The following CALN1 variants were observed in gnomAD, a reference collection of about 807,000 sequenced individuals.
CALN1 encodes the protein calneuron 1.
In CALN1, 17 loss-of-function variants were observed where a neutral mutation model predicts 30.6. The observed-to-expected ratio is 0.56, with a 90% CI of 0.38 to 0.83. The LOEUF is 0.83. Ranked by LOEUF, CALN1 falls within the 40% of genes least tolerant of loss-of-function variation. The probability of loss-of-function intolerance (pLI) is 0.00; values close to 1 mark genes in which losing one functional copy is unlikely to be tolerated. For synonymous variants in CALN1, 156 were observed against 131.4 expected (o/e 1.19, Z -1.28); for missense variants, 291 against 354.9 (o/e 0.82, Z 1.45).
intron 2 of CALN1, among the ~76,000 whole-genome samples, chr7:72,344,901 CAT>C (rs1221046042): frequency 1.1e-4 from 16 of 146,502 alleles, no homozygotes; most frequent in Non-Finnish European, 2.2e-4. Context: ...ATATTTATAT[CAT>C]ATATAAATGT....
intron 3 of CALN1, among the ~76,000 whole-genome samples, chr7:72,213,254 C>A (rs755007561): frequency 2.0e-5 from 3 of 152,210 alleles, no homozygotes; most frequent in Non-Finnish European, 4.4e-5. Flanking sequence ...CCGGGACAGT[C>A]CACTCTGGCC....
At chr7:72,385,686 A>G (rs1805169745) in intron 2 of CALN1, among the ~76,000 whole-genome samples, 1 of 152,216 alleles carries the variant, frequency 6.6e-6, no homozygotes, top group Admixed American at 6.5e-5. Flanking sequence ...TGACTGGATC[A>G]TGGGGGTGGT....
chr7:71,780,672 A>G lies in CALN1; in HGVS notation c.*7103T>C, dbSNP rs1584190234. On this transcript the variant is annotated 3_prime_UTR_variant, in exon 7 of 7. Coordinates refer to ENST00000395275, the MANE Select transcript of CALN1 (RefSeq NM_031468.4). The stretch of plus-strand genomic sequence containing the variant: ...TAATTACAAGCTACTATCAACATAT[A>G]CTGGAAGTGCTGTTATAGTGGCCAG... 6.6e-6 allele frequency: 1 copy of G among 152,012 alleles called. No homozygotes were observed. The highest frequency in any genetic ancestry group is 2.4e-5 in the African/African-American group (1 of 41,448). The allele number at this position is 152,012 out of a possible 1,614,324, so 9.4% of individuals were successfully genotyped here.
intron 2 of CALN1, among the ~76,000 whole-genome samples, chr7:72,362,508 T>C (rs575533043): frequency 2.0e-5 from 3 of 152,320 alleles, no homozygotes; most frequent in African/African-American, 7.2e-5. Flanking sequence ...ACGCTATCTA[T>C]AAAATACACT....
chr7:72,272,944 A>G (rs1000920313), intron 3 of CALN1, among the ~76,000 whole-genome samples: 3 of 152,068 alleles, frequency 2.0e-5, no homozygotes, highest in African/African-American at 7.2e-5. Context: ...CAAACGTACA[A>G]GAGTAGCTTG....
chr7:72,405,975 A>G (rs1806668398), intron 1 of CALN1, among the ~76,000 whole-genome samples: 1 of 152,144 alleles, frequency 6.6e-6, no homozygotes, highest in South Asian at 2.1e-4. Context: ...AATACACTTA[A>G]TGACCTGGAA....
chr7:72,357,491 C>T (rs1251892344), intron 2 of CALN1, among the ~76,000 whole-genome samples: 1 of 151,896 alleles, frequency 6.6e-6, no homozygotes, highest in Middle Eastern at 3.2e-3. Flanking sequence ...AAAGTGTGTG[C>T]TGATACCACC....
At chr7:72,456,777 T>C in the CALN1 span, among the ~76,000 whole-genome samples, 3 of 151,954 alleles carry the variant, frequency 2.0e-5, no homozygotes, top group African/African-American at 7.2e-5. Flanking sequence ...GGCCAGGAAG[T>C]TGAGATTGCA....
intron 2 of CALN1, among the ~76,000 whole-genome samples, chr7:72,297,758 A>G (rs1798967149): frequency 6.6e-6 from 1 of 152,250 alleles, no homozygotes; most frequent in African/African-American, 2.4e-5. Context: ...ACGAAGTCAT[A>G]ATATTCATTC....
chr7:72,374,615 A>C (rs543559776), intron 2 of CALN1, among the ~76,000 whole-genome samples: 1 of 152,060 alleles, frequency 6.6e-6, no homozygotes, highest in Non-Finnish European at 1.5e-5. Flanking sequence ...TATAAAGGAC[A>C]TCTGCACCAA....
At chr7:71,811,909 C>T (rs1028325880) in intron 5 of CALN1, among the ~76,000 whole-genome samples, 2 of 150,560 alleles carry the variant, frequency 1.3e-5, no homozygotes, top group Non-Finnish European at 3.0e-5. Flanking sequence ...GAACTCCTGA[C>T]CTCAGGTGAT....
At chr7:72,344,657 TATAA>T (rs1004061224) in intron 2 of CALN1, among the ~76,000 whole-genome samples, 9 of 146,866 alleles carry the variant, frequency 6.1e-5, no homozygotes, top group African/African-American at 1.7e-4. Flanking sequence ...TTTTTATTTA[TATAA>T]ATATATATTT....
At chr7:72,145,753 C>T (rs1168945035) in intron 3 of CALN1, among the ~76,000 whole-genome samples, 1 of 152,044 alleles carries the variant, frequency 6.6e-6, no homozygotes, top group Non-Finnish European at 1.5e-5. Context: ...TCCAGCAGCA[C>T]ATCAAAAAGC....
At chr7:72,267,654 TA>T (rs1796686401) in intron 3 of CALN1, among the ~76,000 whole-genome samples, 1 of 152,238 alleles carries the variant, frequency 6.6e-6, no homozygotes, top group Admixed American at 6.5e-5. Flanking sequence ...GCTGGTTATG[TA>T]ACCTTGGACA....
intron 3 of CALN1, among the ~76,000 whole-genome samples, chr7:72,215,446 T>C (rs1792723439): frequency 6.6e-6 from 1 of 151,836 alleles, no homozygotes; most frequent in Admixed American, 6.6e-5. Flanking sequence ...ATACAAAAAT[T>C]AGCCAGGTAT....
In CALN1 at chr7:72,303,079, CA is replaced by C. The variant is rs1013241310; in HGVS notation, c.120-24270del. ...CTGGTGACAGAGACAGACCCTGTCTCAAAAAAAAAAGAAAAGGAATTTTACA... is the reference window on the plus strand; with the variant it reads ...CTGGTGACAGAGACAGACCCTGTCTCAAAAAAAAAGAAAAGGAATTTTACA... On this transcript the variant is annotated intron_variant, in intron 2 of 6. Coordinates refer to ENST00000395275, the MANE Select transcript of CALN1 (RefSeq NM_031468.4). Among the ~76,000 whole-genome samples the C allele has an allele frequency of 1.4e-3, 192 of 135,156 alleles. 1 individual carries two copies. Among genetic ancestry groups the C allele is most frequent in the African/African-American group, 4.6e-3 (167 of 36,400 alleles). The allele number at this position is 135,156 out of a possible 152,430, so 88.7% of individuals were successfully genotyped here.
intron 2 of CALN1, among the ~76,000 whole-genome samples, chr7:72,335,872 C>A (rs899607964): frequency 6.6e-6 from 1 of 152,212 alleles, no homozygotes; most frequent in Non-Finnish European, 1.5e-5. Context: ...CTCGCCCTCG[C>A]CCCAAGGGTG....
chr7:72,174,149 T>C (rs1004803242), intron 3 of CALN1, among the ~76,000 whole-genome samples: 22 of 152,066 alleles, frequency 1.4e-4, no homozygotes, highest in Non-Finnish European at 1.0e-4. Flanking sequence ...AAGGTACACA[T>C]CATTAGTCAT....
intron 2 of CALN1, among the ~76,000 whole-genome samples, chr7:72,298,010 T>C (rs998225291): frequency 3.9e-5 from 6 of 152,250 alleles, no homozygotes; most frequent in Non-Finnish European, 8.8e-5. Flanking sequence ...GCACTCACCA[T>C]CTTATTATTT....
Sources: allele counts gnomAD v4.1 joint callset (sites outside exome capture counted in the v4.1 genomes callset), GRCh38; gene constraint gnomAD v4.1.1; transcripts MANE v1.5; gene names NCBI Gene and HGNC (gene_info 2026-07-23, HGNC 2026-07-21).